Variants in SPRY3 observed in about 807,000 individuals in gnomAD.
The protein encoded by SPRY3 is sprouty RTK signaling antagonist 3, also known as protein sprouty homolog 3.
In SPRY3, 15 loss-of-function variants were observed where a neutral mutation model predicts 20.2. The observed-to-expected ratio is 0.74, with a 90% CI of 0.50 to 1.14. The LOEUF is 1.14. SPRY3 is among the 50% of genes most tolerant of loss of function. The pLI is 0.00. For missense variants in SPRY3, 364 were observed against 363.9 expected (o/e 1.00, Z 0.00); for synonymous variants, 143 against 136.5 (o/e 1.05, Z -0.33).
At chrX:155,613,912 T>A (rs1284686862) in intron 1 of SPRY3, among the ~76,000 whole-genome samples, 1 of 111,913 alleles carries the variant, frequency 8.9e-6, no homozygotes, top group Non-Finnish European at 1.9e-5. Context: ...CTCTAATGAA[T>A]AAGTAGCTTC....
At chrX:155,729,306 T>C (rs1288395588) in intron 2 of SPRY3, among the ~76,000 whole-genome samples, 2 of 152,140 alleles carry the variant, frequency 1.3e-5, no homozygotes, top group African/African-American at 4.8e-5. Context: ...AGATTATATT[T>C]TGGGGTAACA....
chrX:155,726,428 C>G (rs1247452585), intron 2 of SPRY3, among the ~76,000 whole-genome samples: 2 of 152,120 alleles, frequency 1.3e-5, no homozygotes, highest in African/African-American at 4.8e-5. Context: ...GTGTTAAAGT[C>G]TCCCATTATT....
At chrX:155,760,616 G>A (rs1485963797) in intron 2 of SPRY3, among the ~76,000 whole-genome samples, 2 of 152,142 alleles carry the variant, frequency 1.3e-5, no homozygotes, top group East Asian at 1.9e-4. Flanking sequence ...TTTCCACCAC[G>A]GTGGTGGTAG....
chrX:155,617,781 G>A (rs1195191155), intron 1 of SPRY3, among the ~76,000 whole-genome samples: 4 of 111,940 alleles, frequency 3.6e-5, no homozygotes, highest in Non-Finnish European at 5.6e-5. Flanking sequence ...ATTAGAGTAA[G>A]AAATAACAAA....
At chrX:155,709,910 A>T (rs1016170834) in intron 2 of SPRY3, among the ~76,000 whole-genome samples, 10 of 151,780 alleles carry the variant, frequency 6.6e-5, no homozygotes, top group African/African-American at 2.4e-4. Context: ...GCATTTATTG[A>T]AGAGACTTCC....
chrX:155,774,347 C>A, exon 4 of SPRY3: 1 of 1,614,048 alleles, frequency 6.2e-7, no homozygotes, highest in Non-Finnish European at 8.5e-7. Context: ...GTCCCCTGCA[C>A]AGCAGCTCGC....
downstream of SPRY3, chrX:155,779,269 G>T (rs1428832361): frequency 6.0e-6 from 1 of 167,012 alleles, no homozygotes; most frequent in African/African-American, 2.4e-5. Context: ...AAACAGTAAG[G>T]CAAGTATATG....
At chrX:155,638,183 A>T (rs2124534258) in intron 1 of SPRY3, among the ~76,000 whole-genome samples, 1 of 101,566 alleles carries the variant, frequency 9.8e-6, no homozygotes, top group South Asian at 4.6e-4. Context: ...AGCTGGGCGT[A>T]GTAGCTCATG....
intron 1 of SPRY3, among the ~76,000 whole-genome samples, chrX:155,626,365 T>A (rs2067888184): frequency 9.0e-6 from 1 of 111,702 alleles, no homozygotes; most frequent in Non-Finnish European, 1.9e-5. Context: ...GGAATACCTA[T>A]GCAAATCCTT....
chrX:155,750,878 A>G (rs2091259109), intron 2 of SPRY3, among the ~76,000 whole-genome samples: 1 of 151,940 alleles, frequency 6.6e-6, no homozygotes, highest in Non-Finnish European at 1.5e-5. Context: ...ATGGAAACAG[A>G]AAAGGTGGAA....
At chrX:155,732,640 C>T (rs2091141297) in intron 2 of SPRY3, among the ~76,000 whole-genome samples, 1 of 152,010 alleles carries the variant, frequency 6.6e-6, no homozygotes, top group African/African-American at 2.4e-5. Flanking sequence ...CCAGCAATCC[C>T]ACTGTTGGGT....
At position 155,635,299 on chromosome X, in the gene SPRY3, G is replaced by C. The variant is rs782761930; in HGVS notation, c.-440-21568G>C. On this transcript the variant is annotated intron_variant, in intron 1 of 3. Coordinates refer to ENST00000675360, the Ensembl canonical transcript of SPRY3. ...TCCAGTCTATCATTGATGGGCATTT[G>C]GGCTGCTTCCAAGTCTTTGCTATTG... is the stretch of plus-strand genomic sequence containing the variant. 2.9e-4 allele frequency among the ~76,000 whole-genome samples: 32 copies of C among 110,999 alleles called. 1 individual carries two copies. The South Asian group carries it at 0.012, about 40-fold the overall frequency.
intron 2 of SPRY3, among the ~76,000 whole-genome samples, chrX:155,723,285 T>A (rs998820507): frequency 2.6e-5 from 4 of 152,176 alleles, no homozygotes; most frequent in Non-Finnish European, 5.9e-5. Flanking sequence ...TATAATCCTT[T>A]AGGTATATAC....
At chrX:155,658,679 T>C (rs782379627) in intron 2 of SPRY3, among the ~76,000 whole-genome samples, 87 of 112,014 alleles carry the variant, frequency 7.8e-4, no homozygotes, top group Non-Finnish European at 1.4e-3. Flanking sequence ...TTTTATTCAT[T>C]TCTCTTGCCT....
chrX:155,772,880 G>C (rs2091389731), intron 3 of SPRY3, among the ~76,000 whole-genome samples: 1 of 151,996 alleles, frequency 6.6e-6, no homozygotes, highest in Non-Finnish European at 1.5e-5. Context: ...GATTCTGCTT[G>C]GTAAGTCTCA....
At chrX:155,752,325 A>C (rs960703999) in intron 2 of SPRY3, among the ~76,000 whole-genome samples, 1 of 149,584 alleles carries the variant, frequency 6.7e-6, no homozygotes, top group African/African-American at 2.4e-5. Context: ...AGAAATACTA[A>C]AAAAAAAAGC....
chrX:155,695,819 A>G (rs1222589050), intron 2 of SPRY3, among the ~76,000 whole-genome samples: 1 of 108,874 alleles, frequency 9.2e-6, no homozygotes, highest in Non-Finnish European at 1.9e-5. Context: ...TGTGTTTTCT[A>G]TTTTTCTGCT....
rs1467625918 is a variant in SPRY3, at chrX:155,757,851, A to G, written c.-281-10111A>G. On this transcript the variant is annotated intron_variant, in intron 2 of 3. Transcript: ENST00000675360. ...CTAGTAATTCCAACAGAGTGGTCAC[A>G]TGAGATGGGTGCCCATCAGCAGTGG... 2.6e-5 allele frequency among the ~76,000 whole-genome samples: 4 copies of G among 152,304 alleles called. No homozygotes were observed. The East Asian group carries it at 7.7e-4, about 29-fold the overall frequency.
chrX:155,697,039 G>A (rs1274629361), intron 2 of SPRY3, among the ~76,000 whole-genome samples: 1 of 111,435 alleles, frequency 9.0e-6, no homozygotes, highest in Non-Finnish European at 1.9e-5. Flanking sequence ...GTCCTGTGAA[G>A]TAAGAACTAT....
Sources: allele counts gnomAD v4.1 joint callset (sites outside exome capture counted in the v4.1 genomes callset), GRCh38; gene constraint gnomAD v4.1.1; transcripts MANE v1.5; gene names NCBI Gene and HGNC (gene_info 2026-07-23, HGNC 2026-07-21).